DOCK8: variants seen among roughly 807,000 people sequenced by gnomAD.
The protein encoded by DOCK8 is dedicator of cytokinesis 8.
A neutral mutation model predicts 245.6 loss-of-function variants in DOCK8; 141 were observed. That is an observed-to-expected ratio of 0.57 (90% CI 0.50 to 0.66). The LOEUF (loss-of-function observed/expected upper bound fraction) is 0.66, where lower values mean the gene tolerates loss of function less well. DOCK8 is among the 30% of genes least tolerant of loss of function. The pLI, the probability that DOCK8 is intolerant of heterozygous loss-of-function variation, is 0.00. For missense variants in DOCK8, 2,965 were observed against 2,603.4 expected (o/e 1.14, Z -3.02); for synonymous variants, 1,168 against 970.2 (o/e 1.20, Z -3.79).
chr9:428,248 C>T, intron 34 of DOCK8, 114 bp from the exon 35 acceptor site: 1 of 1,556,464 alleles, frequency 6.4e-7, no homozygotes, highest in East Asian at 2.3e-5. Context: ...TCACCAAACT[C>T]TTAAGACTCA....
At chr9:225,241 G>A (rs901474656) in intron 1 of DOCK8, among the ~76,000 whole-genome samples, 3 of 152,146 alleles carry the variant, frequency 2.0e-5, no homozygotes, top group Admixed American at 6.5e-5. Flanking sequence ...TGGCTGGGGA[G>A]GGGTAAGGAC....
At chr9:282,416 T>C (rs78928988) in intron 2 of DOCK8, among the ~76,000 whole-genome samples, 3,589 of 150,318 alleles carry the variant, frequency 0.024, 83 homozygotes, top group South Asian at 0.058. Flanking sequence ...TCGTTTTGTT[T>C]TTTTTTTTTT....
chr9:279,669 C>G (rs1398574858), intron 2 of DOCK8, among the ~76,000 whole-genome samples: 3 of 152,094 alleles, frequency 2.0e-5, no homozygotes, highest in Non-Finnish European at 4.4e-5. Context: ...CAGGACTGAG[C>G]AAAAACCATT....
At chr9:213,434 C>T (rs2046654762), upstream of DOCK8, 2 of 152,104 alleles carry the variant, frequency 1.3e-5, no homozygotes, top group South Asian at 2.1e-4. Context: ...TGTAATTTTA[C>T]ATTTTTAAAA....
At chr9:301,483 A>G (rs2049543346) in intron 4 of DOCK8, among the ~76,000 whole-genome samples, 1 of 152,254 alleles carries the variant, frequency 6.6e-6, no homozygotes, top group Admixed American at 6.5e-5. Context: ...TGGTACTGGA[A>G]GTGCTAGCCA....
rs553675921 is a variant in DOCK8, at chr9:324,850, AGG to A, written c.828-819_828-818del. 9.5e-4 allele frequency among the ~76,000 whole-genome samples: 145 copies of A among 152,198 alleles called. 1 individual carries two copies. The highest frequency in any genetic ancestry group is 1.7e-3 in the Non-Finnish European group (118 of 68,022). ...TAAATTTTTTTATTTCAATGGCTTT[AGG>A]GTAAGTGGTTTTTGGTTACATGGAT... On this transcript the variant is annotated intron_variant, in intron 7 of 47. Coordinates refer to ENST00000432829, the MANE Select transcript of DOCK8 (RefSeq NM_203447.4).
intron 46 of DOCK8, among the ~76,000 whole-genome samples, chr9:461,441 T>C (rs2057802630): frequency 6.6e-6 from 1 of 152,000 alleles, no homozygotes; most frequent in South Asian, 2.1e-4. Flanking sequence ...TCCTTGGATC[T>C]GTCATACATT....
chr9:246,483 C>G (rs2047508628), intron 1 of DOCK8, among the ~76,000 whole-genome samples: 1 of 151,896 alleles, frequency 6.6e-6, no homozygotes, highest in Non-Finnish European at 1.5e-5. Context: ...CCACTGCACT[C>G]CAGTCTGGGT....
At chr9:251,053 G>C (rs1485587194) in intron 1 of DOCK8, among the ~76,000 whole-genome samples, 1 of 152,190 alleles carries the variant, frequency 6.6e-6, no homozygotes, top group Non-Finnish European at 1.5e-5. Context: ...TCTAGGGACA[G>C]ACAGGGATTG....
chr9:382,708 G>A, intron 22 of DOCK8, 23 bp downstream of exon 22: 1 of 1,613,756 alleles, frequency 6.2e-7, no homozygotes, highest in Non-Finnish European at 8.5e-7. Flanking sequence ...TCAAACCGTG[G>A]AAGGGGACAC....
chr9:361,364 G>C (rs1483854687), intron 14 of DOCK8, among the ~76,000 whole-genome samples: 3 of 152,200 alleles, frequency 2.0e-5, no homozygotes, highest in African/African-American at 7.2e-5. Context: ...CAATCCTGCA[G>C]AATGTTTAAA....
rs1385344155 is a variant in DOCK8 at position 443,505 on chromosome 9, G to A, written c.5569G>A (p.Asp1857Asn). 3 of 1,613,942 alleles carry A rather than the reference G, an allele frequency of 1.9e-6. No individual in the cohort carries two copies. Among genetic ancestry groups the A allele is most frequent in the Non-Finnish European group, 2.5e-6 (3 of 1,179,936 alleles). The change falls in exon 43 of 48, where the codon GAT becomes AAT. Residue 1857 changes from aspartate (D) to asparagine (N), a missense_variant. Asp to Asn is a conservative substitution (Grantham distance 23). Coordinates refer to ENST00000432829, the MANE Select transcript of DOCK8 (RefSeq NM_203447.4). ...DSTPVDKTKL[D>N]PNKAYIQITF... is the part of the protein sequence containing the mutation. ...CACTCCTGTGGACAAAACCAAGTTG[G>A]ATCCTAACAAGGTATACAAAAATTT... is the stretch of plus-strand genomic sequence containing the variant.
At chr9:406,371 C>T (rs1171323212) in intron 27 of DOCK8, among the ~76,000 whole-genome samples, 1 of 151,714 alleles carries the variant, frequency 6.6e-6, no homozygotes, top group Non-Finnish European at 1.5e-5. Context: ...ACTGTAATCC[C>T]AGCTACTTGG....
At chr9:461,432 C>A (rs940848091) in intron 46 of DOCK8, among the ~76,000 whole-genome samples, 3 of 150,986 alleles carry the variant, frequency 2.0e-5, no homozygotes, top group African/African-American at 7.3e-5. Flanking sequence ...TTGGTGATTT[C>A]CTTGGATCTG....
intron 14 of DOCK8, among the ~76,000 whole-genome samples, chr9:365,094 C>T (rs1363113548): frequency 1.2e-4 from 18 of 152,214 alleles, no homozygotes; most frequent in Admixed American, 1.2e-3. Context: ...GAGCCATTGC[C>T]AAGGGCAAGG....
chr9:433,293 A>G (rs1382015888), intron 37 of DOCK8, among the ~76,000 whole-genome samples: 1 of 152,240 alleles, frequency 6.6e-6, no homozygotes, highest in African/African-American at 2.4e-5. Context: ...GCAAGCTGGC[A>G]GAGGGGAACG....
chr9:231,874 T>A (rs1441919848), intron 1 of DOCK8, among the ~76,000 whole-genome samples: 1 of 152,172 alleles, frequency 6.6e-6, no homozygotes, highest in South Asian at 2.1e-4. Context: ...CTTTTCCTAA[T>A]TGAATACCCT....
intron 40 of DOCK8, among the ~76,000 whole-genome samples, chr9:440,358 T>G (rs1306877901): frequency 6.6e-6 from 1 of 152,208 alleles, no homozygotes; most frequent in Non-Finnish European, 1.5e-5. Context: ...CTTTACATTT[T>G]AAGCCAAGAA....
At chr9:363,069 G>T (rs1298247576) in intron 14 of DOCK8, among the ~76,000 whole-genome samples, 1 of 152,188 alleles carries the variant, frequency 6.6e-6, no homozygotes, top group African/African-American at 2.4e-5. Flanking sequence ...TCAGTGGAAA[G>T]AATTTGGAGT....
Sources: allele counts gnomAD v4.1 joint callset (sites outside exome capture counted in the v4.1 genomes callset), GRCh38; gene constraint gnomAD v4.1.1; transcripts MANE v1.5; gene names NCBI Gene and HGNC (gene_info 2026-07-23, HGNC 2026-07-21).